The following MLLT1 variants were observed in gnomAD, a reference collection of about 807,000 sequenced individuals.
MLLT1 encodes the protein MLLT1 super elongation complex subunit.
In MLLT1, 11 loss-of-function variants were observed where a neutral mutation model predicts 55.1. That is an observed-to-expected ratio of 0.20 (90% confidence interval 0.13 to 0.33). The LOEUF (loss-of-function observed/expected upper bound fraction) is 0.33. MLLT1 is among the 10% of genes least tolerant of loss of function. The pLI is 1.00. For missense variants in MLLT1, 536 were observed against 760.6 expected (o/e 0.70, Z 3.47); for synonymous variants, 323 against 320.1 (o/e 1.01, Z -0.10).
At chr19:6,224,110 C>T (rs2090931587) in intron 5 of MLLT1, among the ~76,000 whole-genome samples, 1 of 152,204 alleles carries the variant, frequency 6.6e-6, no homozygotes, top group Non-Finnish European at 1.5e-5. Flanking sequence ...GGACAGACTC[C>T]TCCCAGCAAA....
chr19:6,229,601 G>A lies in MLLT1; in HGVS notation c.420+969C>T, dbSNP rs564291627. On this transcript the variant is annotated intron_variant, in intron 4 of 11. Transcript: ENST00000252674. This position sits in a 1 kb window ranked among gnomAD's most constrained non-coding sequence, Gnocchi z 5.2. ...GTGCGTGACACACCACACACTTCCC[G>A]CAAGTGACACGACACACACGCCATG... Among the ~76,000 whole-genome samples, 59 of 150,596 alleles carry A rather than the reference G, an allele frequency of 3.9e-4. 1 individual carries two copies. The highest frequency in any genetic ancestry group is 1.4e-3 in the African/African-American group (57 of 40,818).
Position 6,219,230 on chromosome 19 carries a change from G to C in MLLT1, c.1111-1189C>G, listed in dbSNP as rs1205365397. 6.6e-6 allele frequency among the ~76,000 whole-genome samples: 1 copy of C among 152,114 alleles called. No individual in the cohort carries two copies. Among genetic ancestry groups the C allele is most frequent in the Admixed American group, 6.5e-5 (1 of 15,272 alleles). On this transcript the variant is annotated intron_variant, in intron 6 of 11. Coordinates refer to ENST00000252674, the MANE Select transcript of MLLT1 (RefSeq NM_005934.4). This position sits in a 1 kb window ranked among gnomAD's most constrained non-coding sequence, Gnocchi z 4.5. ...AAGAGGGACTTCCCAAGGGTTTACTGCAGCCCAACCCAGCCCCCTCCTGCC... is the reference window on the plus strand; with the variant it reads ...AAGAGGGACTTCCCAAGGGTTTACTCCAGCCCAACCCAGCCCCCTCCTGCC...
At chr19:6,217,794 G>C (rs1169413349) in intron 7 of MLLT1, among the ~76,000 whole-genome samples, 160 bp downstream of exon 7, 2 of 152,228 alleles carry the variant, frequency 1.3e-5, no homozygotes, top group African/African-American at 4.8e-5. Flanking sequence ...TTCCTGCTTT[G>C]CTTTTAAATA....
In MLLT1 at chr19:6,216,458, G is replaced by A. The variant is rs761845433; in HGVS notation, c.1254C>T (p.Asp418=). The A allele has an allele frequency of 6.2e-7, 1 of 1,609,400 alleles. No individual in the cohort carries two copies. The highest frequency in any genetic ancestry group is 2.2e-5 in the East Asian group (1 of 44,770). The change falls in exon 8 of 12, where the codon GAC becomes GAT. Residue 418 remains aspartate, a synonymous_variant. Transcript: ENST00000252674. ...DLQSEESDED[D]SSSGEEAAGK... is the part of the protein sequence containing the mutation. Reference sequence around the variant, plus strand: ...CGGCAGCCTCCTCGCCTGACGAAGAGTCGTCCTCGTCGGACTCCTCGGACT... The same window carrying A: ...CGGCAGCCTCCTCGCCTGACGAAGAATCGTCCTCGTCGGACTCCTCGGACT...
At chr19:6,260,352 A>G (rs924809331) in intron 3 of MLLT1, among the ~76,000 whole-genome samples, 2 of 152,196 alleles carry the variant, frequency 1.3e-5, no homozygotes, top group Non-Finnish European at 2.9e-5. Context: ...TGAGTGCTGC[A>G]GGACACAGCA....
intron 5 of MLLT1, among the ~76,000 whole-genome samples, chr19:6,224,600 G>A (rs2090936004): frequency 6.6e-6 from 1 of 152,226 alleles, no homozygotes; most frequent in African/African-American, 2.4e-5. Context: ...GTGTGCCCCT[G>A]GCCTGGAGTC....
rs762471665 is a variant in MLLT1 at position 6,210,448 on chromosome 19, C to T, written c.*2594G>A. On this transcript the variant is annotated 3_prime_UTR_variant, in exon 12 of 12. Transcript: ENST00000252674. This position sits in a 1 kb window ranked among gnomAD's most constrained non-coding sequence, Gnocchi z 4.6. ...ACTCCTCCATAATTTCACAATTTAACAAAAGTTTAAAATCCAGGAAAGAAA... is the reference window on the plus strand; with the variant it reads ...ACTCCTCCATAATTTCACAATTTAATAAAAGTTTAAAATCCAGGAAAGAAA... The T allele has an allele frequency of 1.5e-5, 3 of 195,022 alleles. No individual in the cohort carries two copies. Among genetic ancestry groups the T allele is most frequent in the Non-Finnish European group, 3.2e-5 (3 of 93,692 alleles). The allele number at this position is 195,022 out of a possible 1,614,324, so 12.1% of individuals were successfully genotyped here. A position where few individuals can be genotyped will look rare whatever the true frequency, so the allele number is the denominator to read the frequency against.
intron 2 of MLLT1, chr19:6,263,220 AG>A (rs1227661790): frequency 6.6e-6 from 1 of 152,354 alleles, no homozygotes; most frequent in Admixed American, 6.5e-5. Flanking sequence ...GCATGAGGCC[AG>A]GCACCTGAAT....
rs750889281 is a variant in MLLT1, at chr19:6,216,483, T to C, written c.1229A>G (p.Gln410Arg). The C allele has an allele frequency of 5.6e-6, 9 of 1,605,416 alleles. No homozygotes were observed. Among genetic ancestry groups the C allele is most frequent in the Admixed American group, 5.1e-5 (3 of 59,192 alleles). ...GTCGTCCTCGTCGGACTCCTCGGACTGCAGGTCCTCCACCATGGAGCGCAG... is the reference window on the plus strand; with the variant it reads ...GTCGTCCTCGTCGGACTCCTCGGACCGCAGGTCCTCCACCATGGAGCGCAG... ...GPLRSMVEDL[Q>R]SEESDEDDSS... The change falls in exon 8 of 12, where the codon CAG becomes CGG. Residue 410 changes from glutamine to arginine, a missense_variant. By Grantham distance (43) the Gln-to-Arg change is conservative (BLOSUM62 1). Around this residue, in one of 3 missense-constraint regions of MLLT1, gnomAD observed 449 missense variants for 489.0 expected, o/e 0.92. Coordinates refer to ENST00000252674, the MANE Select transcript of MLLT1 (RefSeq NM_005934.4).
intron 4 of MLLT1, among the ~76,000 whole-genome samples, chr19:6,228,417 A>G (rs2090973959): frequency 1.3e-5 from 2 of 152,130 alleles, no homozygotes; most frequent in Non-Finnish European, 2.9e-5. Context: ...GGAACTGAAC[A>G]CGCAGATGAC....
At chr19:6,257,276 G>A (rs2091264973) in intron 3 of MLLT1, among the ~76,000 whole-genome samples, 1 of 152,114 alleles carries the variant, frequency 6.6e-6, no homozygotes, top group South Asian at 2.1e-4. Flanking sequence ...GGGAGGCTGG[G>A]GTGGGAGGAC....
At chr19:6,220,058 C>T (rs745808309) in intron 6 of MLLT1, among the ~76,000 whole-genome samples, 20 of 152,224 alleles carry the variant, frequency 1.3e-4, no homozygotes, top group Non-Finnish European at 2.6e-4. Context: ...CAGGGAGACC[C>T]CAAGGCAGCA....
At chr19:6,269,737 G>A (rs1425305966) in intron 2 of MLLT1, among the ~76,000 whole-genome samples, 1 of 152,190 alleles carries the variant, frequency 6.6e-6, no homozygotes, top group Non-Finnish European at 1.5e-5. Flanking sequence ...GTATTGCAGG[G>A]TAGAGGGGTC....
At chr19:6,213,675 C>T (rs1393362100) in intron 10 of MLLT1, 51 bp downstream of exon 10, 8 of 966,036 alleles carry the variant, frequency 8.3e-6, no homozygotes, top group Admixed American at 8.1e-5. Context: ...CTGCAACTCC[C>T]ACCACCCACC....
In MLLT1 at chr19:6,222,520, C is replaced by G; in HGVS notation, c.711G>C (p.Arg237=). The part of the protein sequence containing the change: ...KDTSRKLGEG[R]LPKEEKAPPP... ...GTGGCGCCTTCTCCTCCTTGGGCAG[C>G]CGGCCCTCGCCCAGCTTCCGCGAGG... is the stretch of plus-strand genomic sequence containing the variant. The change falls in exon 6 of 12, where the codon CGG becomes CGC. Residue 237 remains arginine (R), a synonymous_variant. Coordinates refer to ENST00000252674, the MANE Select transcript of MLLT1 (RefSeq NM_005934.4). This position sits in a 1 kb window ranked among gnomAD's most constrained non-coding sequence, Gnocchi z 4.1. 3.1e-6 allele frequency: 5 copies of G among 1,599,736 alleles called. No individual in the cohort carries two copies. Among genetic ancestry groups the G allele is most frequent in the Non-Finnish European group, 4.2e-6 (5 of 1,179,428 alleles).
At chr19:6,279,213 A>G (rs562690573) in intron 1 of MLLT1, among the ~76,000 whole-genome samples, 1 of 152,188 alleles carries the variant, frequency 6.6e-6, no homozygotes, top group East Asian at 1.9e-4. Context: ...GGGAAGACAG[A>G]CAGCAGGTTG....
intron 3 of MLLT1, among the ~76,000 whole-genome samples, chr19:6,242,668 A>G (rs1292067167): frequency 6.6e-6 from 1 of 152,184 alleles, no homozygotes; most frequent in Non-Finnish European, 1.5e-5. Context: ...CGGGAGACTT[A>G]GACTGAAGGA....
At chr19:6,271,287 G>A (rs1026776733) in intron 1 of MLLT1, among the ~76,000 whole-genome samples, 4 of 152,226 alleles carry the variant, frequency 2.6e-5, no homozygotes, top group African/African-American at 9.6e-5. Flanking sequence ...TGCCACCTAA[G>A]CTTGTTGACT....
chr19:6,276,661 C>T (rs2091429647), intron 1 of MLLT1, among the ~76,000 whole-genome samples: 1 of 152,126 alleles, frequency 6.6e-6, no homozygotes, highest in Non-Finnish European at 1.5e-5. Flanking sequence ...TCCCAGTCCC[C>T]TCCCCCCGGC....
Sources: gnomAD v4.1 joint callset for allele counts (sites outside exome capture counted in the v4.1 genomes callset) on GRCh38, gnomAD v4.1.1 for gene constraint, gnomAD v4.1.1 regional missense constraint, Gnocchi (gnomAD v3.1) non-coding constraint, MANE v1.5 for transcripts, NCBI Gene and HGNC (gene_info 2026-07-23, HGNC 2026-07-21) for gene names.